VWA5B1: variants seen among roughly 807,000 people sequenced by gnomAD.
The protein encoded by VWA5B1 is von Willebrand factor A domain containing 5B1, also known as von Willebrand factor A domain-containing protein 5B1.
VWA5B1 carries 115 observed loss-of-function variants against 118.2 expected under a neutral mutation model. That is an observed-to-expected ratio of 0.97 (90% CI 0.84 to 1.14). VWA5B1 has a LOEUF of 1.14. Ranked by LOEUF, VWA5B1 falls within the 50% of genes most tolerant of loss-of-function variation. The pLI, the probability that VWA5B1 is intolerant of heterozygous loss-of-function variation, is 0.00. For missense variants in VWA5B1, 1,596 were observed against 1,603.8 expected (o/e 1.00, Z 0.08); for synonymous variants, 682 against 658.4 (o/e 1.04, Z -0.55).
At chr1:20,293,802 G>C (rs780031543) in intron 1 of VWA5B1, among the ~76,000 whole-genome samples, 1 of 152,152 alleles carries the variant, frequency 6.6e-6, no homozygotes, top group Non-Finnish European at 1.5e-5. Context: ...TGGGATCAGC[G>C]GTATTCTGTG....
chr1:20,349,375 A>AT (rs2090076290), intron 18 of VWA5B1: 1 of 152,296 alleles, frequency 6.6e-6, no homozygotes, highest in African/African-American at 2.4e-5. Flanking sequence ...CCTTTATTTT[A>AT]TTTATTTATT....
At chr1:20,306,116 T>C (rs933439740) in intron 1 of VWA5B1, among the ~76,000 whole-genome samples, 15 of 151,944 alleles carry the variant, frequency 9.9e-5, no homozygotes, top group South Asian at 2.1e-4. Flanking sequence ...TGGAGAGACA[T>C]GCTATGGAAA....
chr1:20,330,808 T>G, intron 10 of VWA5B1, 61 bp from the exon 11 acceptor site: 1 of 1,473,938 alleles, frequency 6.8e-7, no homozygotes, highest in Non-Finnish European at 9.3e-7. Context: ...CCTTTCTGCA[T>G]CAGGAGGCAA....
rs967446124 is a variant in VWA5B1, at chr1:20,312,946, G to A, written c.250G>A (p.Gly84Ser). 3.9e-6 allele frequency: 6 copies of A among 1,551,516 alleles called. No individual in the cohort carries two copies. The highest frequency in any genetic ancestry group is 2.7e-5 in the African/African-American group (2 of 73,050). Residue 84 changes from glycine to serine, a missense_variant, in exon 3 of 22, where the codon GGC becomes AGC. Coordinates refer to ENST00000289815, the MANE Select transcript of VWA5B1 (RefSeq NM_001039500.3). ...CAAGGACAAAGCCAAGCTGGAGAGCGGCCACTTCGATGCCTCCCATGTTCG... is the reference window on the plus strand; with the variant it reads ...CAAGGACAAAGCCAAGCTGGAGAGCAGCCACTTCGATGCCTCCCATGTTCG... Reference protein sequence around the residue: ...QIKDKAKLESGHFDASHVRSP... With the variant: ...QIKDKAKLESSHFDASHVRSP...
chr1:20,332,489 TAAAATAAAATA>T (rs2089590893), intron 11 of VWA5B1, among the ~76,000 whole-genome samples: 1 of 75,634 alleles, frequency 1.3e-5, no homozygotes, highest in Non-Finnish European at 2.6e-5. Flanking sequence ...CAAAATAAAA[TAAAATAAAATA>T]AAATAAAATA....
At chr1:20,304,824 T>G (rs1374113697) in intron 1 of VWA5B1, among the ~76,000 whole-genome samples, 1 of 152,138 alleles carries the variant, frequency 6.6e-6, no homozygotes, top group African/African-American at 2.4e-5. Context: ...TAGGTCATTG[T>G]TTACTGGCTG....
chr1:20,297,193 T>G (rs1255824596), intron 1 of VWA5B1, among the ~76,000 whole-genome samples: 1 of 152,204 alleles, frequency 6.6e-6, no homozygotes, highest in Non-Finnish European at 1.5e-5. Flanking sequence ...ACCATCACCT[T>G]TGCTCAAAGA....
intron 18 of VWA5B1, among the ~76,000 whole-genome samples, chr1:20,349,683 C>A (rs1361892871): frequency 6.7e-6 from 1 of 148,350 alleles, no homozygotes; most frequent in African/African-American, 2.5e-5. Context: ...TGCCTGGCTA[C>A]AAATCCCTCC....
intron 1 of VWA5B1, among the ~76,000 whole-genome samples, chr1:20,296,733 A>G (rs1394951088): frequency 6.6e-6 from 1 of 152,174 alleles, no homozygotes; most frequent in African/African-American, 2.4e-5. Context: ...TTTTAGTCTC[A>G]TTTCTCAAAA....
rs1008464 is a variant in VWA5B1 at position 20,353,384 on chromosome 1, C to T, written c.3142-373C>T. ...GAGGCAGGAATAACATGAGGAAGCA[C>T]GTGATGGATTGCAGAGCGATTTAGA... On this transcript the variant is annotated intron_variant, in intron 21 of 21. Transcript: ENST00000289815. 6.3e-3 allele frequency among the ~76,000 whole-genome samples: 956 copies of T among 151,988 alleles called. 11 individuals carry two copies. Among genetic ancestry groups the T allele is most frequent in the Non-Finnish European group, 7.4e-3 (501 of 67,972 alleles).
chr1:20,321,027 A>C (rs188258789), intron 7 of VWA5B1, among the ~76,000 whole-genome samples: 2 of 150,582 alleles, frequency 1.3e-5, no homozygotes, highest in East Asian at 3.9e-4. Context: ...ACAAGCTGTC[A>C]GAAACCCTGG....
chr1:20,348,484 A>C, intron 18 of VWA5B1, 126 bp downstream of exon 18: 1 of 1,005,284 alleles, frequency 9.9e-7, no homozygotes, highest in Non-Finnish European at 1.5e-6. Context: ...GGGCTTAGGC[A>C]GGCCCAAGGC....
chr1:20,314,593 G>C lies in VWA5B1; in HGVS notation c.563+1G>C, dbSNP rs923977517. 2 of 1,551,032 alleles carry C rather than the reference G, an allele frequency of 1.3e-6. No individual in the cohort carries two copies. Among genetic ancestry groups the C allele is most frequent in the Non-Finnish European group, 1.7e-6 (2 of 1,146,798 alleles). On this transcript the variant is annotated splice_donor_variant, in intron 4 of 21. Coordinates refer to ENST00000289815, the MANE Select transcript of VWA5B1 (RefSeq NM_001039500.3). LOFTEE classifies it high-confidence loss of function. ...GCACCTCCAACCAACAGGCCCAGGG[G>C]TAAGGAAGCCCTGCCCAGACCAATC...
At chr1:20,313,095 G>A in intron 3 of VWA5B1, 107 bp downstream of exon 3, 1 of 1,402,266 alleles carries the variant, frequency 7.1e-7, no homozygotes, top group Non-Finnish European at 9.6e-7. Context: ...ATATGAGGCA[G>A]AAAGAGCACT....
rs1042626881 is a variant in VWA5B1, at chr1:20,358,045, C to A, written c.*3782C>A. 6.6e-6 allele frequency among the ~76,000 whole-genome samples: 1 copy of A among 152,202 alleles called. No individual in the cohort carries two copies. The highest frequency in any genetic ancestry group is 6.5e-5 in the Admixed American group (1 of 15,276). On this transcript the variant is annotated 3_prime_UTR_variant, in exon 22 of 22. Coordinates refer to ENST00000289815, the MANE Select transcript of VWA5B1 (RefSeq NM_001039500.3). The stretch of plus-strand genomic sequence containing the variant: ...CTCCAGATGCCAGGATAACTGGGCC[C>A]CATCCTTTGGCAGACTTACACTGGA...
intron 15 of VWA5B1, 107 bp downstream of exon 15, chr1:20,342,716 C>T (rs1394747012): frequency 1.5e-6 from 2 of 1,340,308 alleles, no homozygotes; most frequent in Non-Finnish European, 2.0e-6. Flanking sequence ...GGTCTGTCCC[C>T]TTGTGGTCTG....
intron 18 of VWA5B1, 57 bp from the exon 19 acceptor site, chr1:20,350,099 G>T: frequency 2.7e-6 from 4 of 1,508,736 alleles, no homozygotes; most frequent in Middle Eastern, 1.7e-4. Flanking sequence ...CTCCTGAGGG[G>T]ATGGGAGGCG....
chr1:20,335,479 C>T (rs1452019352), intron 12 of VWA5B1, among the ~76,000 whole-genome samples: 1 of 152,132 alleles, frequency 6.6e-6, no homozygotes, highest in Non-Finnish European at 1.5e-5. Context: ...GACCCTTGAA[C>T]AATGTGGAGG....
chr1:20,299,949 C>T (rs545002008), intron 1 of VWA5B1, among the ~76,000 whole-genome samples: 18 of 152,314 alleles, frequency 1.2e-4, no homozygotes, highest in Admixed American at 2.6e-4. Context: ...ACAGGCCCTG[C>T]GTAAGAGCAG....
Sources: gnomAD v4.1 joint callset for allele counts (sites outside exome capture counted in the v4.1 genomes callset) on GRCh38, gnomAD v4.1.1 for gene constraint, MANE v1.5 for transcripts, NCBI Gene and HGNC (gene_info 2026-07-23, HGNC 2026-07-21) for gene names.